INPP4B: variants seen among roughly 807,000 people sequenced by gnomAD.
The protein encoded by INPP4B is inositol polyphosphate 4-phosphatase type II.
Under a neutral mutation model 122.5 loss-of-function variants are expected in INPP4B, and 55 were observed. The observed-to-expected ratio is 0.45, with a 90% CI of 0.36 to 0.56. The LOEUF is 0.56. Among genes scored for constraint, INPP4B ranks in the 20% least tolerant of loss-of-function variants. The pLI is 0.00. For missense variants in INPP4B, 1,000 were observed against 1,097.7 expected (o/e 0.91, Z 1.26); for synonymous variants, 403 against 388.7 (o/e 1.04, Z -0.43).
rs190025864 is a variant in INPP4B at position 142,669,001 on chromosome 4, A to G, written c.-191+56838T>C. Among the ~76,000 whole-genome samples the G allele has an allele frequency of 2.0e-5, 3 of 152,244 alleles. No individual in the cohort carries two copies. The East Asian group carries it at 5.8e-4, about 29-fold the overall frequency. ...AACTCAGGAGGTGGAGCTTGCAATG[A>G]GCGGAGATTGCGCCACTGTGCTCCA... is the stretch of plus-strand genomic sequence containing the variant. On this transcript the variant is annotated intron_variant, in intron 2 of 25. Transcript: ENST00000262992.
At chr4:142,444,210 T>C (rs1299058295) in intron 3 of INPP4B, among the ~76,000 whole-genome samples, 2 of 152,224 alleles carry the variant, frequency 1.3e-5, no homozygotes, top group Non-Finnish European at 2.9e-5. Flanking sequence ...GATAGTCTAA[T>C]AGAAATTATC....
rs182959403 is a variant in INPP4B, at chr4:142,105,967, T to G, written c.2374+2126A>C. Among the ~76,000 whole-genome samples, 22 of 152,302 alleles carry G rather than the reference T, an allele frequency of 1.4e-4. No individual in the cohort carries two copies. The East Asian group carries it at 3.9e-3, about 27-fold the overall frequency. ...AAATAGAGCAGAACTCAAATCATTC[T>G]TTGGCTTGCAATATGTCTACAGGAG... On this transcript the variant is annotated intron_variant, in intron 23 of 25. Coordinates refer to ENST00000262992, the MANE Select transcript of INPP4B (RefSeq NM_001101669.3).
At chr4:142,441,764 T>G (rs1811769072) in intron 3 of INPP4B, among the ~76,000 whole-genome samples, 1 of 150,978 alleles carries the variant, frequency 6.6e-6, no homozygotes, top group African/African-American at 2.4e-5. Flanking sequence ...GTGTCATCAC[T>G]CTACTTAGCT....
intron 9 of INPP4B, among the ~76,000 whole-genome samples, chr4:142,288,388 T>A (rs182385390): frequency 6.6e-6 from 1 of 152,108 alleles, no homozygotes; most frequent in African/African-American, 2.4e-5. Context: ...ATAGAGACCA[T>A]CCTGGTTAAC....
At chr4:142,145,760 T>C (rs1223665817) in intron 18 of INPP4B, 80 bp downstream of exon 18, 8 of 1,405,866 alleles carry the variant, frequency 5.7e-6, no homozygotes, top group Non-Finnish European at 7.9e-6. Flanking sequence ...TTGACTCCTC[T>C]TCTTCTATAT....
intron 22 of INPP4B, among the ~76,000 whole-genome samples, chr4:142,111,165 C>G (rs551308001): frequency 6.6e-6 from 1 of 151,990 alleles, no homozygotes. Flanking sequence ...TTTAAACTTA[C>G]CTGTGGGGCA....
intron 2 of INPP4B, among the ~76,000 whole-genome samples, chr4:142,522,496 C>T (rs1038318145): frequency 2.6e-5 from 4 of 151,958 alleles, no homozygotes; most frequent in Non-Finnish European, 4.4e-5. Flanking sequence ...AGGTAATCAA[C>T]ACCACTCCTG....
chr4:142,803,886 G>T (rs113092866), intron 1 of INPP4B, among the ~76,000 whole-genome samples: 8,820 of 151,582 alleles, frequency 0.058, 413 homozygotes, highest in African/African-American at 0.13. Flanking sequence ...GTGAAATCCC[G>T]TCTCTACTAA....
At chr4:142,828,614 A>G (rs1781731911) in intron 1 of INPP4B, among the ~76,000 whole-genome samples, 1 of 152,208 alleles carries the variant, frequency 6.6e-6, no homozygotes, top group Admixed American at 6.5e-5. Context: ...AATAGCAGAG[A>G]TTAATTTTAG....
In INPP4B at chr4:142,122,202, G is replaced by A. The variant is rs112161392; in HGVS notation, c.2061C>T (p.Ser687=). 2.1e-5 allele frequency: 34 copies of A among 1,611,448 alleles called. No homozygotes were observed. Among genetic ancestry groups the A allele is most frequent in the Non-Finnish European group, 2.7e-5 (32 of 1,178,822 alleles). The change falls in exon 21 of 26, where the codon TCC becomes TCT. Residue 687 remains serine, a synonymous_variant. Coordinates refer to ENST00000262992, the MANE Select transcript of INPP4B (RefSeq NM_001101669.3). ...GMLEDMAVGI[S]DLKKVAFKII... ...TTTTAAATGCAACTTTCTTTAAATC[G>A]GAAATGCCAACGGCCATGTCCTCTA...
intron 2 of INPP4B, chr4:142,654,382 A>AAC (rs1236104245): frequency 2.0e-5 from 3 of 151,230 alleles, no homozygotes; most frequent in Non-Finnish European, 3.0e-5. Context: ...AAAAAAAAAA[A>AAC]AAAAAAACAT....
intron 16 of INPP4B, among the ~76,000 whole-genome samples, chr4:142,172,478 G>A (rs944070157): frequency 2.0e-5 from 3 of 151,880 alleles, no homozygotes; most frequent in Non-Finnish European, 2.9e-5. Context: ...CCCTTTTCAC[G>A]ACAGAGGCAT....
intron 21 of INPP4B, among the ~76,000 whole-genome samples, chr4:142,120,713 T>C (rs1422680778): frequency 6.6e-6 from 1 of 152,046 alleles, no homozygotes; most frequent in African/African-American, 2.4e-5. Flanking sequence ...CCCTAGGAAA[T>C]TGTGTTCACA....
intron 9 of INPP4B, among the ~76,000 whole-genome samples, chr4:142,304,179 T>C (rs1485507129): frequency 6.6e-6 from 1 of 152,260 alleles, no homozygotes; most frequent in Admixed American, 6.5e-5. Context: ...ATGGGTCACA[T>C]TCAATAGTCA....
rs1448124728 is a variant in INPP4B, at chr4:142,042,536, A to ATGTATGTATGTG, written c.2643-13623_2643-13622insCACATACATACA. On this transcript the variant is annotated intron_variant, in intron 25 of 25. Coordinates refer to ENST00000262992, the MANE Select transcript of INPP4B (RefSeq NM_001101669.3). ...TGTGTGTGTATGTATGTATGTATGT[A>ATGTATGTATGTG]TGTATGTATGTATGTATGTATGTAT... Among the ~76,000 whole-genome samples the ATGTATGTATGTG allele has an allele frequency of 6.5e-4, 15 of 23,226 alleles. No homozygotes were observed. In the South Asian group the frequency reaches 7.2e-3, roughly 11 times the overall value. The allele number at this position is 23,226 out of a possible 152,430, so 15.2% of individuals were successfully genotyped here.
At chr4:142,049,158 AT>A (rs1379627766) in intron 25 of INPP4B, among the ~76,000 whole-genome samples, 1 of 151,998 alleles carries the variant, frequency 6.6e-6, no homozygotes, top group South Asian at 2.1e-4. Flanking sequence ...ATTAAAAAAA[AT>A]GTAATGGAAG....
chr4:142,322,174 G>A (rs527959928), intron 7 of INPP4B, among the ~76,000 whole-genome samples: 43 of 152,060 alleles, frequency 2.8e-4, no homozygotes, highest in African/African-American at 8.9e-4. Context: ...CTTAGATAAC[G>A]GTTTTCTAGT....
At chr4:142,789,946 C>G (rs1776305498) in intron 1 of INPP4B, among the ~76,000 whole-genome samples, 1 of 152,028 alleles carries the variant, frequency 6.6e-6, no homozygotes, top group Non-Finnish European at 1.5e-5. Context: ...TTACAGCCAA[C>G]TGATCTTCAA....
At chr4:142,163,847 C>G (rs183092202) in intron 16 of INPP4B, among the ~76,000 whole-genome samples, 33 of 151,848 alleles carry the variant, frequency 2.2e-4, no homozygotes, top group African/African-American at 6.0e-4. Context: ...CACTGAGTTG[C>G]CTACTGACTG....
Sources: gnomAD v4.1 joint callset for allele counts (sites outside exome capture counted in the v4.1 genomes callset) on GRCh38, gnomAD v4.1.1 for gene constraint, MANE v1.5 for transcripts, NCBI Gene and HGNC (gene_info 2026-07-23, HGNC 2026-07-21) for gene names.